NKAIN3: variants seen among roughly 807,000 people sequenced by gnomAD.
NKAIN3 encodes sodium/potassium transporting ATPase interacting 3.
In NKAIN3, 25 loss-of-function variants were observed where a neutral mutation model predicts 30.2. That is an observed-to-expected ratio of 0.83 (90% CI 0.60 to 1.16). The LOEUF is 1.16. NKAIN3 is among the 50% of genes most tolerant of loss of function. The probability of loss-of-function intolerance (pLI) is 0.00; values close to 1 mark genes in which losing one functional copy is unlikely to be tolerated. For missense variants in NKAIN3, 225 were observed against 254.1 expected (o/e 0.89, Z 0.78); for synonymous variants, 91 against 89.6 (o/e 1.02, Z -0.09).
chr8:62,628,172 A>G (rs1321969126), intron 3 of NKAIN3, among the ~76,000 whole-genome samples: 1 of 152,116 alleles, frequency 6.6e-6, no homozygotes, highest in Non-Finnish European at 1.5e-5. Context: ...GAAGCCTATA[A>G]AGCCATCTTG....
rs145863624 is a variant in NKAIN3, at chr8:62,741,049, C to T, written c.274-5883C>T. Among the ~76,000 whole-genome samples, 417 of 149,578 alleles carry T rather than the reference C, an allele frequency of 2.8e-3. 3 individuals carry two copies. Among genetic ancestry groups the T allele is most frequent in the African/African-American group, 9.8e-3 (402 of 41,042 alleles). On this transcript the variant is annotated intron_variant, in intron 3 of 6. Coordinates refer to ENST00000623646, the MANE Select transcript of NKAIN3 (RefSeq NM_001304533.3). ...ATGAAAAAAAAAAAAAACACCAAAT[C>T]TTCTCCTCTTAGTTTCTTTATGTCC...
chr8:62,814,343 A>G (rs1221522220), intron 4 of NKAIN3, among the ~76,000 whole-genome samples: 1 of 149,858 alleles, frequency 6.7e-6, no homozygotes, highest in African/African-American at 2.5e-5. Flanking sequence ...TTAATGTTCT[A>G]TTTCTTTTTA....
chr8:62,464,052 A>T (rs535114846), intron 1 of NKAIN3, among the ~76,000 whole-genome samples: 6 of 152,206 alleles, frequency 3.9e-5, no homozygotes, highest in Admixed American at 1.3e-4. Flanking sequence ...TGAAATCCAC[A>T]TAAGTGATTT....
intron 1 of NKAIN3, among the ~76,000 whole-genome samples, chr8:62,456,518 TAAA>T (rs5891857): frequency 7.0e-6 from 1 of 143,774 alleles, no homozygotes; most frequent in African/African-American, 2.5e-5. Context: ...GACTCCGTCT[TAAA>T]AAAAAAAAAA....
At chr8:62,682,558 T>A (rs946502346) in intron 3 of NKAIN3, among the ~76,000 whole-genome samples, 2 of 152,162 alleles carry the variant, frequency 1.3e-5, no homozygotes, top group Non-Finnish European at 2.9e-5. Flanking sequence ...CTGCTTGCTT[T>A]CTCAGTCAGG....
intron 4 of NKAIN3, among the ~76,000 whole-genome samples, chr8:62,895,365 T>A (rs552601643): frequency 1.0e-3 from 154 of 152,212 alleles, no homozygotes; most frequent in Non-Finnish European, 1.2e-3. Context: ...CTCCTTGCTA[T>A]GCAAAGAGGA....
In NKAIN3 at chr8:62,582,711, A is replaced by T. The variant is rs115331209; in HGVS notation, c.192+3035A>T. ...AGGACCTGTACTGTGCTAAGTTTGG[A>T]AAAATAGGAAAGAATTCAAATGTCA... On this transcript the variant is annotated intron_variant, in intron 2 of 6. Transcript: ENST00000623646. Among the ~76,000 whole-genome samples the T allele has an allele frequency of 4.1e-3, 618 of 152,258 alleles. 5 individuals carry two copies. The highest frequency in any genetic ancestry group is 0.014 in the African/African-American group (588 of 41,542).
At chr8:62,719,442 A>G (rs1447901335) in intron 3 of NKAIN3, among the ~76,000 whole-genome samples, 1 of 152,198 alleles carries the variant, frequency 6.6e-6, no homozygotes, top group African/African-American at 2.4e-5. Context: ...GCTTTTCTTG[A>G]TGCTAAATTT....
intron 3 of NKAIN3, among the ~76,000 whole-genome samples, chr8:62,618,102 T>C (rs1811516470): frequency 2.0e-5 from 3 of 152,240 alleles, no homozygotes; most frequent in Admixed American, 2.0e-4. Flanking sequence ...GCTGCATTCC[T>C]TGGTGATCTT....
intron 4 of NKAIN3, among the ~76,000 whole-genome samples, chr8:62,846,975 C>G (rs1252045193): frequency 6.6e-6 from 1 of 152,090 alleles, no homozygotes; most frequent in South Asian, 2.1e-4. Flanking sequence ...ACCATGAAAA[C>G]AGTATGGCAG....
intron 4 of NKAIN3, among the ~76,000 whole-genome samples, chr8:62,764,281 T>C (rs1001640986): frequency 6.6e-6 from 1 of 152,174 alleles, no homozygotes; most frequent in African/African-American, 2.4e-5. Flanking sequence ...TTCTTGAGAA[T>C]AATGTGAGGT....
intron 3 of NKAIN3, among the ~76,000 whole-genome samples, chr8:62,661,515 G>A (rs1812943266): frequency 6.6e-6 from 1 of 152,184 alleles, no homozygotes; most frequent in African/African-American, 2.4e-5. Flanking sequence ...TTTAAACTTA[G>A]CAGTCTTCCA....
intron 4 of NKAIN3, among the ~76,000 whole-genome samples, chr8:62,833,652 C>A (rs1206974251): frequency 1.3e-5 from 2 of 151,742 alleles, no homozygotes; most frequent in African/African-American, 2.4e-5. Context: ...GCTGAACAGA[C>A]CAATATCCAA....
At chr8:62,918,346 C>T (rs1822170705) in intron 4 of NKAIN3, 107 bp from the exon 5 acceptor site, 1 of 800,230 alleles carries the variant, frequency 1.2e-6, no homozygotes, top group African/African-American at 1.8e-5. Context: ...CCACTGCAAA[C>T]TCTTAAAAGT....
At chr8:62,934,990 C>G (rs1453980868) in intron 5 of NKAIN3, among the ~76,000 whole-genome samples, 1 of 152,152 alleles carries the variant, frequency 6.6e-6, no homozygotes, top group Non-Finnish European at 1.5e-5. Context: ...CTCAAATTCA[C>G]AAATTCTGCC....
chr8:62,468,512 T>G (rs1161840173), intron 1 of NKAIN3, among the ~76,000 whole-genome samples: 3 of 152,184 alleles, frequency 2.0e-5, no homozygotes, highest in Admixed American at 6.5e-5. Context: ...CCCACAGAAT[T>G]TGGAAATGGC....
intron 4 of NKAIN3, among the ~76,000 whole-genome samples, chr8:62,755,182 G>A (rs1338332542): frequency 2.6e-5 from 4 of 152,138 alleles, no homozygotes; most frequent in African/African-American, 9.7e-5. Context: ...TAAAAAATGT[G>A]CCCAAGATCC....
intron 1 of NKAIN3, among the ~76,000 whole-genome samples, chr8:62,556,202 A>G (rs984796362): frequency 6.6e-6 from 1 of 152,004 alleles, no homozygotes; most frequent in Non-Finnish European, 1.5e-5. Context: ...ACATTAGAAA[A>G]TACCTATTTG....
intron 1 of NKAIN3, among the ~76,000 whole-genome samples, chr8:62,264,458 A>G (rs568828740): frequency 1.3e-5 from 2 of 152,300 alleles, no homozygotes; most frequent in Non-Finnish European, 2.9e-5. Flanking sequence ...CAAGGTAACG[A>G]TATTGTAAGT....
Sources: allele counts gnomAD v4.1 joint callset (sites outside exome capture counted in the v4.1 genomes callset), GRCh38; gene constraint gnomAD v4.1.1; transcripts MANE v1.5; gene names NCBI Gene and HGNC (gene_info 2026-07-23, HGNC 2026-07-21).